The following SLC30A10 variants were observed in gnomAD, a reference collection of about 807,000 sequenced individuals.
The protein encoded by SLC30A10 is solute carrier family 30 member 10.
Under a neutral mutation model 21.7 loss-of-function variants are expected in SLC30A10, and 8 were observed. The ratio of observed to expected loss-of-function variants is 0.37; its 90% CI spans 0.22 to 0.67. The LOEUF (loss-of-function observed/expected upper bound fraction) is 0.67. Among genes scored for constraint, SLC30A10 ranks in the 30% least tolerant of loss-of-function variants. The pLI is 0.58. For missense variants in SLC30A10, 521 were observed against 642.5 expected (o/e 0.81, Z 2.04); for synonymous variants, 272 against 279.4 (o/e 0.97, Z 0.26).
chr1:219,941,292 T>C (rs1660116859), intron 1 of SLC30A10, among the ~76,000 whole-genome samples: 1 of 152,186 alleles, frequency 6.6e-6, no homozygotes, highest in South Asian at 2.1e-4. Context: ...CAGCTTCAGC[T>C]CAGGAGTTTG....
At chr1:219,931,304 G>A (rs933429654), upstream of SLC30A10, among the ~76,000 whole-genome samples, 3 of 152,200 alleles carry the variant, frequency 2.0e-5, no homozygotes, top group African/African-American at 7.2e-5. Flanking sequence ...GGCTGAGGAA[G>A]CTGGAGGAGC....
chr1:219,945,110 T>A (rs1390554996), intron 1 of SLC30A10, among the ~76,000 whole-genome samples: 2 of 152,226 alleles, frequency 1.3e-5, no homozygotes, highest in East Asian at 3.8e-4. Flanking sequence ...TTTAACATTC[T>A]TGAAATAAAA....
At chr1:219,946,071 T>C (rs1660183940) in intron 1 of SLC30A10, among the ~76,000 whole-genome samples, 1 of 152,222 alleles carries the variant, frequency 6.6e-6, no homozygotes, top group Non-Finnish European at 1.5e-5. Context: ...TGGCTATTAA[T>C]ACATAAGTTC....
At chr1:219,943,552 G>A (rs1218526302) in intron 1 of SLC30A10, among the ~76,000 whole-genome samples, 1 of 152,124 alleles carries the variant, frequency 6.6e-6, no homozygotes, top group East Asian at 1.9e-4. Context: ...GGATTCAACA[G>A]AAAATCTACC....
At chr1:219,941,688 T>TC (rs1660125044) in intron 1 of SLC30A10, among the ~76,000 whole-genome samples, 2 of 133,970 alleles carry the variant, frequency 1.5e-5, no homozygotes, top group Non-Finnish European at 1.6e-5. Context: ...CTTTCTCCCT[T>TC]TCTCTCTCTC....
In SLC30A10 at chr1:219,927,838, C is replaced by A. The variant is rs776981579; in HGVS notation, c.603G>T (p.Lys201Asn). 1.3e-6 allele frequency: 2 copies of A among 1,548,668 alleles called. No individual in the cohort carries two copies. Among genetic ancestry groups the A allele is most frequent in the South Asian group, 2.4e-5 (2 of 84,004 alleles). The change falls in exon 1 of 4, where the codon AAG becomes AAT. Residue 201 changes from lysine (K) to asparagine (N), a missense_variant. Transcript: ENST00000366926. ...VTLRGTSVER[K>N]REKGATVFAN... The stretch of plus-strand genomic sequence containing the variant: ...CGAACACGGTCGCCCCCTTCTCCCG[C>A]TTCCTTTCCACCGAGGTCCCCCGGA...
intron 1 of SLC30A10, among the ~76,000 whole-genome samples, chr1:219,943,083 G>A (rs554537592): frequency 5.9e-5 from 9 of 152,174 alleles, no homozygotes; most frequent in South Asian, 4.2e-4. Flanking sequence ...TACACAAAAT[G>A]TGAGAAGGTA....
At chr1:219,953,856 G>A (rs530556829) in intron 1 of SLC30A10, among the ~76,000 whole-genome samples, 117 of 151,406 alleles carry the variant, frequency 7.7e-4, no homozygotes, top group African/African-American at 2.7e-3. Flanking sequence ...ACAGGCGCCT[G>A]CCACCACGCC....
chr1:219,932,954 G>C (rs139361405), upstream of SLC30A10, among the ~76,000 whole-genome samples: 51 of 151,118 alleles, frequency 3.4e-4, no homozygotes, highest in African/African-American at 1.2e-3. Flanking sequence ...CCAGCTACTC[G>C]GGAGGCTGAG....
intron 1 of SLC30A10, among the ~76,000 whole-genome samples, chr1:219,936,256 T>C (rs989879768): frequency 1.3e-5 from 2 of 152,196 alleles, no homozygotes; most frequent in African/African-American, 4.8e-5. Flanking sequence ...TCTAGTTGAT[T>C]TGAATATCAA....
intron 2 of SLC30A10, among the ~76,000 whole-genome samples, chr1:219,920,736 AT>A (rs1218114687): frequency 6.6e-6 from 1 of 152,200 alleles, no homozygotes; most frequent in African/African-American, 2.4e-5. Context: ...AAAATAAGTA[AT>A]GCAAAATCTA....
intron 1 of SLC30A10, among the ~76,000 whole-genome samples, chr1:219,942,191 G>A (rs1660132106): frequency 6.6e-6 from 1 of 152,068 alleles, no homozygotes; most frequent in Admixed American, 6.6e-5. Context: ...GTACTCAAAG[G>A]CCAAAAATGA....
chr1:219,916,725 G>T (rs1447752085), intron 3 of SLC30A10, among the ~76,000 whole-genome samples: 1 of 152,134 alleles, frequency 6.6e-6, no homozygotes, highest in African/African-American at 2.4e-5. Flanking sequence ...TTGAGCAAAG[G>T]CTTTGCAGTC....
chr1:219,930,186 C>A (rs532928769), upstream of SLC30A10, among the ~76,000 whole-genome samples: 3,434 of 150,854 alleles, frequency 0.023, 116 homozygotes, highest in African/African-American at 0.076. Context: ...AAAAAAAAAA[C>A]ACAGGTCAGG....
upstream of SLC30A10, among the ~76,000 whole-genome samples, chr1:219,930,809 T>A (rs1659960054): frequency 6.6e-6 from 1 of 152,158 alleles, no homozygotes; most frequent in South Asian, 2.1e-4. Flanking sequence ...GGAATAATAA[T>A]AGTATAGGGA....
At chr1:219,948,396 A>G (rs1190365888) in intron 1 of SLC30A10, among the ~76,000 whole-genome samples, 2 of 152,148 alleles carry the variant, frequency 1.3e-5, no homozygotes, top group Non-Finnish European at 2.9e-5. Context: ...ACAGCATGGT[A>G]CTGGTACCAA....
chr1:219,915,523 A>G lies in SLC30A10; in HGVS notation c.1384T>C (p.Cys462Arg), dbSNP rs1227473365. The G allele has an allele frequency of 1.9e-6, 3 of 1,614,246 alleles. No individual in the cohort carries two copies. The highest frequency in any genetic ancestry group is 8.5e-7 in the Non-Finnish European group (1 of 1,180,044). Residue 462 changes from cysteine (C) to arginine (R), a missense_variant, in exon 4 of 4, where the codon TGT becomes CGT. Coordinates refer to ENST00000366926, the MANE Select transcript of SLC30A10 (RefSeq NM_018713.3). ...AGACTTTGTCCGTGGTCACTCAGACAGCTATCCAAAGACACTTCAATAGCC... is the reference window on the plus strand; with the variant it reads ...AGACTTTGTCCGTGGTCACTCAGACGGCTATCCAAAGACACTTCAATAGCC... ...EVAIEVSLDS[C>R]LSDHGQSLNK...
chr1:219,920,719 C>A (rs1237444864), intron 2 of SLC30A10, among the ~76,000 whole-genome samples: 1 of 152,036 alleles, frequency 6.6e-6, no homozygotes, highest in Non-Finnish European at 1.5e-5. Context: ...AGGTGGTTAC[C>A]CTTGTAAAAA....
At chr1:219,943,419 C>A (rs1660145885) in intron 1 of SLC30A10, among the ~76,000 whole-genome samples, 3 of 152,166 alleles carry the variant, frequency 2.0e-5, no homozygotes, top group Non-Finnish European at 4.4e-5. Context: ...AAGTGGGAAA[C>A]TTGGACTTCC....
Sources: gnomAD v4.1 joint callset for allele counts (sites outside exome capture counted in the v4.1 genomes callset) on GRCh38, gnomAD v4.1.1 for gene constraint, MANE v1.5 for transcripts, NCBI Gene and HGNC (gene_info 2026-07-23, HGNC 2026-07-21) for gene names.